The following AMOTL1 variants were observed in gnomAD, a reference collection of about 807,000 sequenced individuals.
AMOTL1 encodes angiomotin-like protein 1.
AMOTL1 carries 45 observed loss-of-function variants against 102.9 expected under a neutral mutation model. That is an observed-to-expected ratio of 0.44 (90% CI 0.34 to 0.56). The LOEUF is 0.56. Among genes scored for constraint, AMOTL1 ranks in the 20% least tolerant of loss-of-function variants. AMOTL1 has a pLI of 0.01. For synonymous variants in AMOTL1, 481 were observed against 484.7 expected (o/e 0.99, Z 0.10); for missense variants, 1,114 against 1,225.6 (o/e 0.91, Z 1.36).
Position 94,872,082 on chromosome 11 carries a change from C to T in AMOTL1, c.*1287C>T, listed in dbSNP as rs1372590014. On this transcript the variant is annotated 3_prime_UTR_variant, in exon 13 of 13. Transcript: ENST00000433060. ...TAACCTACCAGGCCAGTTGTATATA[C>T]AGTGTTGTCAGGTTTTTCCGGGTTT... The T allele has an allele frequency of 6.6e-6, 1 of 152,128 alleles. No individual in the cohort carries two copies. The highest frequency in any genetic ancestry group is 1.5e-5 in the Non-Finnish European group (1 of 68,044). The allele number at this position is 152,128 out of a possible 1,614,324, so 9.4% of individuals were successfully genotyped here.
rs905917662 is a variant in AMOTL1, at chr11:94,769,445, T to C, written c.49+885T>C. Among the ~76,000 whole-genome samples the C allele has an allele frequency of 2.0e-5, 3 of 152,150 alleles. No homozygotes were observed. The South Asian group carries it at 6.2e-4, about 31-fold the overall frequency. ...CCTCTAGGGCCTCCGCTACCTGGAC[T>C]GCGCTCGCGGCGACGTGTCCAAGTT... On this transcript the variant is annotated intron_variant, in intron 1 of 12. Transcript: ENST00000433060.
At chr11:94,816,680 C>T (rs537386430) in intron 3 of AMOTL1, among the ~76,000 whole-genome samples, 1 of 152,162 alleles carries the variant, frequency 6.6e-6, no homozygotes, top group East Asian at 1.9e-4. Flanking sequence ...GTCCTTGTGT[C>T]ATTAAGTTAT....
intron 7 of AMOTL1, among the ~76,000 whole-genome samples, chr11:94,851,444 T>C (rs771369156): frequency 6.6e-6 from 1 of 152,216 alleles, no homozygotes; most frequent in Admixed American, 6.5e-5. Flanking sequence ...CTTTGGTTGG[T>C]TGAATGTAGC....
At chr11:94,841,394 G>A (rs777508878) in intron 6 of AMOTL1, among the ~76,000 whole-genome samples, 9 of 152,182 alleles carry the variant, frequency 5.9e-5, no homozygotes, top group Non-Finnish European at 1.3e-4. Flanking sequence ...AGAGGTTGTA[G>A]TGAGCCGAGA....
At chr11:94,755,389 G>A (rs182879514) in intron 3 of AMOTL1, among the ~76,000 whole-genome samples, 1 of 152,210 alleles carries the variant, frequency 6.6e-6, no homozygotes, top group Admixed American at 6.5e-5. Context: ...ACCCAATGCC[G>A]TCCTCCTTAA....
In AMOTL1 at chr11:94,799,887, A is replaced by AGG; in HGVS notation, c.698_699dup (p.Pro234GlyfsTer4). 6 of 1,598,322 alleles carry AGG rather than the reference A, an allele frequency of 3.8e-6. No homozygotes were observed. The highest frequency in any genetic ancestry group is 5.1e-6 in the Non-Finnish European group (6 of 1,171,372). The stretch of plus-strand genomic sequence containing the variant: ...CAGTCAGAAGTCCCGAACTGAGGGG[A>AGG]GGCCCACTGTGAACCGTGCCAACAG... On this transcript the variant is annotated frameshift_variant, in exon 3 of 13. Transcript: ENST00000433060. LOFTEE classifies it high-confidence loss of function. This position sits in a 1 kb window ranked among gnomAD's most constrained non-coding sequence, Gnocchi z 4.5.
At chr11:94,841,628 T>C (rs1285316496) in intron 6 of AMOTL1, among the ~76,000 whole-genome samples, 3 of 152,232 alleles carry the variant, frequency 2.0e-5, no homozygotes, top group African/African-American at 7.2e-5. Context: ...ATCTAGTTTA[T>C]TATGCTGTCA....
chr11:94,728,856 T>C, intron 1 of AMOTL1: 1 of 724,082 alleles, frequency 1.4e-6, no homozygotes, highest in Non-Finnish European at 2.0e-6. Flanking sequence ...CAAGAAAGCT[T>C]CTCTTCACAA....
chr11:94,754,740 G>GT (rs1399892371), intron 3 of AMOTL1, among the ~76,000 whole-genome samples: 1 of 152,298 alleles, frequency 6.6e-6, no homozygotes, highest in Middle Eastern at 3.4e-3. Flanking sequence ...GTGTAGGTAG[G>GT]TTGGTATTTG....
intron 3 of AMOTL1, among the ~76,000 whole-genome samples, chr11:94,748,918 G>C (rs1367475097): frequency 2.0e-5 from 3 of 152,170 alleles, no homozygotes; most frequent in Non-Finnish European, 4.4e-5. Context: ...CATAACTATA[G>C]AATGGCCTTC....
chr11:94,865,001 G>A, intron 10 of AMOTL1, 141 bp downstream of exon 10: 1 of 1,250,068 alleles, frequency 8.0e-7, no homozygotes, highest in Non-Finnish European at 1.1e-6. Flanking sequence ...GCTGTGCCAT[G>A]GAGAGAAGGA....
At chr11:94,718,471 T>G (rs567211669) in intron 1 of AMOTL1, among the ~76,000 whole-genome samples, 1 of 152,158 alleles carries the variant, frequency 6.6e-6, no homozygotes, top group African/African-American at 2.4e-5. Flanking sequence ...CATATGAATT[T>G]GTATATTAGA....
At chr11:94,861,956 A>G (rs536530395) in intron 9 of AMOTL1, among the ~76,000 whole-genome samples, 20 of 152,172 alleles carry the variant, frequency 1.3e-4, no homozygotes, top group South Asian at 4.1e-4. Flanking sequence ...CACTCACAGG[A>G]TTCTAGGCCC....
chr11:94,869,612 G>C (rs1272060462), intron 12 of AMOTL1, 139 bp downstream of exon 12: 6 of 978,980 alleles, frequency 6.1e-6, no homozygotes, highest in Non-Finnish European at 7.3e-6. Flanking sequence ...ATGCACTTAG[G>C]ATATGTGTGC....
intron 11 of AMOTL1, 139 bp from the exon 12 acceptor site, chr11:94,869,059 G>T: frequency 1.0e-6 from 1 of 1,001,374 alleles, no homozygotes; most frequent in Non-Finnish European, 1.4e-6. Context: ...CTTGTAATAA[G>T]TGTTTATTAA....
exon 1 of AMOTL1, chr11:94,706,569 C>T (rs1223099981): frequency 6.6e-6 from 1 of 152,176 alleles, no homozygotes; most frequent in Non-Finnish European, 1.5e-5. Flanking sequence ...AGTATTTTTT[C>T]CACTGCCGGT....
At chr11:94,834,313 C>T (rs139140811) in intron 6 of AMOTL1, among the ~76,000 whole-genome samples, 2 of 152,180 alleles carry the variant, frequency 1.3e-5, no homozygotes, top group East Asian at 1.9e-4. Context: ...TCGGGCCGGG[C>T]GCGGTGGCTC....
At chr11:94,844,510 T>C (rs973325988) in intron 6 of AMOTL1, among the ~76,000 whole-genome samples, 11 of 152,220 alleles carry the variant, frequency 7.2e-5, no homozygotes, top group Non-Finnish European at 1.6e-4. Context: ...ATTTGGTTCA[T>C]AGTTCGGGAG....
chr11:94,743,645 A>ATCC, intron 3 of AMOTL1, among the ~76,000 whole-genome samples: 1 of 106,954 alleles, frequency 9.3e-6, no homozygotes, highest in Non-Finnish European at 1.9e-5. Context: ...TCTACTCACA[A>ATCC]TACTTCTTTT....
Sources: allele counts gnomAD v4.1 joint callset (sites outside exome capture counted in the v4.1 genomes callset), GRCh38; gene constraint gnomAD v4.1.1; non-coding constraint Gnocchi (gnomAD v3.1); transcripts MANE v1.5; gene names NCBI Gene and HGNC (gene_info 2026-07-23, HGNC 2026-07-21).